UBAC2: variants seen among roughly 807,000 people sequenced by gnomAD.
UBAC2 encodes UBA domain containing 2.
Under a neutral mutation model 44.0 loss-of-function variants are expected in UBAC2, and 26 were observed. That is an observed-to-expected ratio of 0.59 (90% CI 0.43 to 0.82). The LOEUF is 0.82. UBAC2 is among the 40% of genes least tolerant of loss of function. The pLI is 0.00. For synonymous variants in UBAC2, 155 were observed against 154.3 expected (o/e 1.00, Z -0.04); for missense variants, 329 against 419.4 (o/e 0.78, Z 1.88).
chr13:99,219,421 C>T (rs1225346712), intron 1 of UBAC2, among the ~76,000 whole-genome samples: 2 of 152,210 alleles, frequency 1.3e-5, no homozygotes, highest in African/African-American at 4.8e-5. Flanking sequence ...TTAACAGCAA[C>T]CACAATTTAA....
chr13:99,295,538 A>G lies in UBAC2; in HGVS notation c.390-18559A>G, dbSNP rs774469999. The G allele has an allele frequency of 4.3e-6, 7 of 1,614,026 alleles. No individual in the cohort carries two copies. Among genetic ancestry groups the G allele is most frequent in the Non-Finnish European group, 5.9e-6 (7 of 1,180,020 alleles). On this transcript the variant is annotated intron_variant, in intron 4 of 8. Transcript: ENST00000403766. This position sits in a 1 kb window ranked among gnomAD's most constrained non-coding sequence, Gnocchi z 4.1. ...GATTATAAGTGGAAGTACATATCCT[A>G]TGAAACATGCCCCAAGCAGAATCCA...
At chr13:99,205,927 A>C (rs2042866720) in intron 1 of UBAC2, 1 of 154,468 alleles carries the variant, frequency 6.5e-6, no homozygotes, top group African/African-American at 2.4e-5. Context: ...CCCTGCTAGA[A>C]CCTCCAAACA....
At chr13:99,272,130 C>CT (rs2043823546) in intron 4 of UBAC2, among the ~76,000 whole-genome samples, 1 of 152,178 alleles carries the variant, frequency 6.6e-6, no homozygotes, top group African/African-American at 2.4e-5. Flanking sequence ...CCTTGAGCTG[C>CT]TTAAGGTCAC....
intron 4 of UBAC2, among the ~76,000 whole-genome samples, chr13:99,306,894 A>C (rs573598220): frequency 6.6e-6 from 1 of 152,304 alleles, no homozygotes; most frequent in East Asian, 1.9e-4. Context: ...CCTTTGCCCT[A>C]GGAATTCTAC....
intron 4 of UBAC2, among the ~76,000 whole-genome samples, chr13:99,296,883 T>C (rs1322643666): frequency 6.6e-6 from 1 of 152,182 alleles, no homozygotes; most frequent in African/African-American, 2.4e-5. Context: ...TAAAACTCTA[T>C]CAATCTGCAA....
At position 99,266,758 on chromosome 13, in the gene UBAC2, CA is replaced by C. The variant is rs756980934; in HGVS notation, c.389+22135del. On this transcript the variant is annotated intron_variant, in intron 4 of 8. Coordinates refer to ENST00000403766, the MANE Select transcript of UBAC2 (RefSeq NM_001144072.2). ...ATGTGCAGTTCAGTAGTGTTAAGTTCATTCACACTGCTGTGCAGCCAACCTC... is the reference window on the plus strand; with the variant it reads ...ATGTGCAGTTCAGTAGTGTTAAGTTCTTCACACTGCTGTGCAGCCAACCTC... 4.9e-4 allele frequency among the ~76,000 whole-genome samples: 75 copies of C among 152,244 alleles called. 1 individual carries two copies. Among genetic ancestry groups the C allele is most frequent in the Middle Eastern group, 6.8e-3 (2 of 294 alleles).
chr13:99,362,005 C>A (rs1003006881), intron 7 of UBAC2, among the ~76,000 whole-genome samples: 1 of 151,984 alleles, frequency 6.6e-6, no homozygotes, highest in Admixed American at 6.6e-5. Context: ...AGACCCTCAT[C>A]CCCAAAAAAA....
At chr13:99,316,559 A>G (rs887263449) in intron 5 of UBAC2, among the ~76,000 whole-genome samples, 48 of 152,168 alleles carry the variant, frequency 3.2e-4, no homozygotes, top group Non-Finnish European at 2.9e-5. Context: ...TGGGCTCTCA[A>G]GCCATCCAAT....
intron 4 of UBAC2, among the ~76,000 whole-genome samples, chr13:99,268,631 A>AAAAG (rs1566477996): frequency 4.6e-5 from 6 of 130,248 alleles, no homozygotes; most frequent in African/African-American, 1.4e-4. Flanking sequence ...AAAAAAAAAA[A>AAAAG]AAAGAAACAC....
chr13:99,212,820 T>C (rs1181738409), intron 1 of UBAC2, among the ~76,000 whole-genome samples: 1 of 152,252 alleles, frequency 6.6e-6, no homozygotes, highest in Non-Finnish European at 1.5e-5. Context: ...ATTCTGCTTT[T>C]TTCATTTACT....
intron 1 of UBAC2, among the ~76,000 whole-genome samples, chr13:99,206,342 A>G (rs1008099587): frequency 4.6e-5 from 7 of 152,222 alleles, no homozygotes; most frequent in Non-Finnish European, 1.0e-4. Flanking sequence ...AGGGATGGAT[A>G]GAGAAAGAGG....
At position 99,354,832 on chromosome 13, in the gene UBAC2, A is replaced by G. The variant is rs551418871; in HGVS notation, c.808-12955A>G. On this transcript the variant is annotated intron_variant, in intron 7 of 8. Coordinates refer to ENST00000403766, the MANE Select transcript of UBAC2 (RefSeq NM_001144072.2). ...GATTGGGGAAATCTTACTGGCAGTC[A>G]TGTCATCCAAGAAGTTGTTGGCATA... 1.8e-4 allele frequency among the ~76,000 whole-genome samples: 27 copies of G among 152,216 alleles called. No individual in the cohort carries two copies. The South Asian group carries it at 1.9e-3, about 11-fold the overall frequency.
chr13:99,380,495 T>C (rs368461325), intron 8 of UBAC2, among the ~76,000 whole-genome samples: 2 of 152,312 alleles, frequency 1.3e-5, no homozygotes, highest in East Asian at 3.9e-4. Context: ...TCTTACTGTC[T>C]ATATGGTGAA....
At chr13:99,358,637 C>G (rs1728660501) in intron 7 of UBAC2, among the ~76,000 whole-genome samples, 2 of 152,244 alleles carry the variant, frequency 1.3e-5, no homozygotes, top group Admixed American at 1.3e-4. Context: ...AGAGGAGGGG[C>G]TTGACGAGAT....
Position 99,254,892 on chromosome 13 carries a change from G to C in UBAC2, c.389+10268G>C, listed in dbSNP as rs768620730. 1.9e-6 allele frequency: 3 copies of C among 1,612,556 alleles called. No individual in the cohort carries two copies. The African/African-American group carries it at 4.0e-5, about 22-fold the overall frequency. ...ACCTTATTATTCATAACATTTCACT[G>C]TTTATATTGCTTAGTGACCGTAGAC... On this transcript the variant is annotated intron_variant, in intron 4 of 8. Transcript: ENST00000403766.
intron 4 of UBAC2, among the ~76,000 whole-genome samples, chr13:99,292,846 G>A (rs1298996444): frequency 6.6e-6 from 1 of 151,972 alleles, no homozygotes. Flanking sequence ...AATACTTATA[G>A]GGTTGTGATT....
chr13:99,361,144 C>T (rs2045259928), intron 7 of UBAC2, among the ~76,000 whole-genome samples: 1 of 152,176 alleles, frequency 6.6e-6, no homozygotes, highest in African/African-American at 2.4e-5. Flanking sequence ...TATATTTATT[C>T]ATTCATACAT....
intron 1 of UBAC2, among the ~76,000 whole-genome samples, chr13:99,225,149 GTAAAATGTACATAATA>G (rs1207701732): frequency 6.6e-6 from 1 of 152,136 alleles, no homozygotes; most frequent in Non-Finnish European, 1.5e-5. Context: ...TTTAATTGTG[GTAAAATGTACATAATA>G]TAAAATGTAC....
chr13:99,317,223 GTCCTGCCTGAGTA>G (rs1371420115), intron 5 of UBAC2, among the ~76,000 whole-genome samples: 2 of 152,194 alleles, frequency 1.3e-5, no homozygotes, highest in African/African-American at 4.8e-5. Flanking sequence ...AACCTGGGCT[GTCCTGCCTGAGTA>G]TCCTGCCTCT....
Sources: gnomAD v4.1 joint callset for allele counts (sites outside exome capture counted in the v4.1 genomes callset) on GRCh38, gnomAD v4.1.1 for gene constraint, Gnocchi (gnomAD v3.1) non-coding constraint, MANE v1.5 for transcripts, NCBI Gene and HGNC (gene_info 2026-07-23, HGNC 2026-07-21) for gene names.